The following CNTNAP4 variants were observed in gnomAD, a reference collection of about 807,000 sequenced individuals.
CNTNAP4 encodes contactin associated protein family member 4.
In CNTNAP4, 98 loss-of-function variants were observed where a neutral mutation model predicts 148.4. That is an observed-to-expected ratio of 0.66 (90% CI 0.56 to 0.78). The LOEUF is 0.78. CNTNAP4 is among the 30% of genes least tolerant of loss of function. The pLI, the probability that CNTNAP4 is intolerant of heterozygous loss-of-function variation, is 0.00. For missense variants in CNTNAP4, 1,935 were observed against 1,565.6 expected (o/e 1.24, Z -3.98); for synonymous variants, 730 against 565.1 (o/e 1.29, Z -4.14).
chr16:76,312,642 A>G (rs917819620), intron 1 of CNTNAP4, among the ~76,000 whole-genome samples: 1 of 152,194 alleles, frequency 6.6e-6, no homozygotes, highest in Non-Finnish European at 1.5e-5. Context: ...TCATGCTATT[A>G]TGGTGTCTGA....
rs759580311 is a variant in CNTNAP4, at chr16:76,548,295, C to CATTTT, written c.3443-4988_3443-4987insATTTT. ...CCCTGGCTCTCTTGATTCACTGCAC[C>CATTTT]TTTTTTTTTTTTTTTTTTTTTTTTG... On this transcript the variant is annotated intron_variant, in intron 21 of 23. Coordinates refer to ENST00000611870, the MANE Select transcript of CNTNAP4 (RefSeq NM_033401.5). 1.5e-3 allele frequency among the ~76,000 whole-genome samples: 141 copies of CATTTT among 92,926 alleles called. 13 individuals carry two copies. Among genetic ancestry groups the CATTTT allele is most frequent in the Middle Eastern group, 8.8e-3 (1 of 114 alleles). The allele number at this position is 92,926 out of a possible 152,430, so 61.0% of individuals were successfully genotyped here. A position where few individuals can be genotyped will look rare whatever the true frequency, so the allele number is the denominator to read the frequency against.
intron 3 of CNTNAP4, among the ~76,000 whole-genome samples, chr16:76,397,943 TACA>T (rs2078263786): frequency 4.7e-4 from 1 of 2,150 alleles, no homozygotes; most frequent in African/African-American, 1.8e-3. Context: ...ATAGATTATA[TACA>T]TATATATATA....
chr16:76,489,154 G>A (rs187544096), intron 12 of CNTNAP4, among the ~76,000 whole-genome samples: 21 of 152,254 alleles, frequency 1.4e-4, no homozygotes, highest in Non-Finnish European at 2.2e-4. Flanking sequence ...CTGATACCAT[G>A]AATAGTTGTT....
intron 5 of CNTNAP4, 56 bp from the exon 6 acceptor site, chr16:76,448,708 CTTT>C: frequency 2.9e-6 from 3 of 1,021,564 alleles, no homozygotes; most frequent in Non-Finnish European, 4.0e-6. Context: ...AGAAGGGAAC[CTTT>C]TTTTTTTTTC....
rs534706222 is a variant in CNTNAP4 at position 76,366,272 on chromosome 16, C to T, written c.390+10761C>T. 2.0e-5 allele frequency among the ~76,000 whole-genome samples: 3 copies of T among 152,278 alleles called. No individual in the cohort carries two copies. In the East Asian group the frequency reaches 5.8e-4, roughly 29 times the overall value. On this transcript the variant is annotated intron_variant, in intron 3 of 23. Coordinates refer to ENST00000611870, the MANE Select transcript of CNTNAP4 (RefSeq NM_033401.5). ...CCCAATAGTTAATTTTTCTGCTCCT[C>T]TCTGTCTTCCCACCCTCCATTCTCA...
chr16:76,421,791 G>A (rs187356035), intron 3 of CNTNAP4, among the ~76,000 whole-genome samples: 2 of 152,216 alleles, frequency 1.3e-5, no homozygotes, highest in East Asian at 3.9e-4. Context: ...AATGACAAGG[G>A]GATTTTCATG....
intron 21 of CNTNAP4, among the ~76,000 whole-genome samples, chr16:76,542,824 G>A (rs755256366): frequency 6.6e-6 from 1 of 152,138 alleles, no homozygotes; most frequent in Non-Finnish European, 1.5e-5. Flanking sequence ...CCATTAATGA[G>A]TGGAATTATA....
chr16:76,386,251 A>G (rs138592112), intron 3 of CNTNAP4, among the ~76,000 whole-genome samples: 16 of 152,358 alleles, frequency 1.1e-4, no homozygotes, highest in African/African-American at 3.6e-4. Flanking sequence ...ATATGGGTAT[A>G]GTATAGCTCT....
intron 3 of CNTNAP4, among the ~76,000 whole-genome samples, chr16:76,386,776 T>C (rs1390992732): frequency 6.6e-6 from 1 of 152,166 alleles, no homozygotes; most frequent in Non-Finnish European, 1.5e-5. Context: ...TAGATGGATT[T>C]TAGGTTGTTA....
chr16:76,278,559 G>C (rs1958570820), intron 1 of CNTNAP4, among the ~76,000 whole-genome samples: 1 of 152,296 alleles, frequency 6.6e-6, no homozygotes, highest in East Asian at 1.9e-4. Context: ...ATTAGAGATA[G>C]AAAAAGTTTT....
intron 3 of CNTNAP4, among the ~76,000 whole-genome samples, chr16:76,364,178 G>A (rs1354984027): frequency 1.4e-5 from 2 of 141,950 alleles, no homozygotes; most frequent in Non-Finnish European, 3.0e-5. Flanking sequence ...TGGAGGTTGC[G>A]GTGAGCTGAT....
At chr16:76,426,216 G>A (rs897178502) in intron 3 of CNTNAP4, among the ~76,000 whole-genome samples, 9 of 152,146 alleles carry the variant, frequency 5.9e-5, no homozygotes. Context: ...TTTTAAAAAT[G>A]TACTAGAAAA....
At position 76,559,648 on chromosome 16, in the gene CNTNAP4, T is replaced by A. The variant is rs1277010950; in HGVS notation, c.*965T>A. Among the ~76,000 whole-genome samples, 1 of 152,214 alleles carries A rather than the reference T, an allele frequency of 6.6e-6. No homozygotes were observed. The highest frequency in any genetic ancestry group is 2.4e-5 in the African/African-American group (1 of 41,458). ...TCAGTCCTTTATTGGTTTACATTTC[T>A]GTTTTTCTGAAGTTTATCACAAACT... On this transcript the variant is annotated 3_prime_UTR_variant, in exon 24 of 24. Coordinates refer to ENST00000611870, the MANE Select transcript of CNTNAP4 (RefSeq NM_033401.5).
intron 1 of CNTNAP4, among the ~76,000 whole-genome samples, chr16:76,306,605 C>T (rs747852829): frequency 5.3e-5 from 8 of 152,160 alleles, no homozygotes; most frequent in South Asian, 2.1e-4. Flanking sequence ...CAAGATGATT[C>T]GCATACGTCC....
At chr16:76,409,664 GT>G (rs1326234044) in intron 3 of CNTNAP4, among the ~76,000 whole-genome samples, 4 of 151,916 alleles carry the variant, frequency 2.6e-5, no homozygotes, top group Non-Finnish European at 5.9e-5. Context: ...TATTCTATTG[GT>G]ATCTTTTGTC....
chr16:76,316,474 G>A lies in CNTNAP4; in HGVS notation c.147G>A (p.Glu49=). The A allele has an allele frequency of 6.2e-7, 1 of 1,613,886 alleles. No homozygotes were observed. Among genetic ancestry groups the A allele is most frequent in the Non-Finnish European group, 8.5e-7 (1 of 1,179,828 alleles). Residue 49 remains glutamate (E), a synonymous_variant, in exon 2 of 24, where the codon GAG becomes GAA. Transcript: ENST00000611870. The part of the protein sequence containing the change: ...LPQASFSSSS[E]LSSSHGPGFA... ...AGGCATCCTTCAGCAGTTCTTCCGA[G>A]CTCTCCAGCAGTCATGGTCCTGGAT...
intron 3 of CNTNAP4, among the ~76,000 whole-genome samples, chr16:76,398,836 G>A (rs966473640): frequency 6.6e-6 from 1 of 151,930 alleles, no homozygotes; most frequent in Non-Finnish European, 1.5e-5. Flanking sequence ...ACATATATTT[G>A]TACATATATA....
At chr16:76,331,462 A>T (rs1963518416) in intron 2 of CNTNAP4, among the ~76,000 whole-genome samples, 1 of 150,072 alleles carries the variant, frequency 6.7e-6, no homozygotes, top group Non-Finnish European at 1.5e-5. Flanking sequence ...TGCTGAGATT[A>T]CAGGCGTGAG....
At chr16:76,333,419 A>C (rs1567740551) in intron 2 of CNTNAP4, among the ~76,000 whole-genome samples, 1 of 152,192 alleles carries the variant, frequency 6.6e-6, no homozygotes. Context: ...GCAACTCCAG[A>C]ATGTTTATTT....
Sources: gnomAD v4.1 joint callset for allele counts (sites outside exome capture counted in the v4.1 genomes callset) on GRCh38, gnomAD v4.1.1 for gene constraint, MANE v1.5 for transcripts, NCBI Gene and HGNC (gene_info 2026-07-23, HGNC 2026-07-21) for gene names.